The following PTPRG variants were observed in gnomAD, a reference collection of about 807,000 sequenced individuals.
PTPRG encodes receptor-type tyrosine-protein phosphatase gamma.
PTPRG carries 102 observed loss-of-function variants against 165.3 expected under a neutral mutation model. That is an observed-to-expected ratio of 0.62 (90% confidence interval 0.53 to 0.73). The LOEUF is 0.73. Among genes scored for constraint, PTPRG ranks in the 30% least tolerant of loss-of-function variants. The pLI, the probability that PTPRG is intolerant of heterozygous loss-of-function variation, is 0.00. For missense variants in PTPRG, 1,866 were observed against 1,861.4 expected, an observed-to-expected ratio of 1.00 and a Z score of -0.05; for synonymous variants, 675 against 669.5, an observed-to-expected ratio of 1.01 and a Z score of -0.13.
intron 4 of PTPRG, among the ~76,000 whole-genome samples, chr3:62,057,488 C>G (rs372333206): frequency 6.6e-6 from 1 of 152,222 alleles, no homozygotes; most frequent in Non-Finnish European, 1.5e-5. Context: ...AGTGGTGTTA[C>G]CATGTCCGCA....
intron 2 of PTPRG, among the ~76,000 whole-genome samples, chr3:61,827,055 G>A (rs752798295): frequency 6.6e-6 from 1 of 152,114 alleles, no homozygotes; most frequent in East Asian, 1.9e-4. Context: ...GGATATAGAC[G>A]TTTGTTGCCT....
intron 2 of PTPRG, among the ~76,000 whole-genome samples, chr3:61,947,471 G>A (rs1435457558): frequency 6.6e-6 from 1 of 152,210 alleles, no homozygotes; most frequent in Non-Finnish European, 1.5e-5. Context: ...GTGAAGGAAT[G>A]TCAGTGATAT....
At chr3:61,874,464 G>A (rs1300801137) in intron 2 of PTPRG, among the ~76,000 whole-genome samples, 5 of 152,040 alleles carry the variant, frequency 3.3e-5, no homozygotes. Flanking sequence ...AAGCAGAGAG[G>A]TAAATGTCTT....
chr3:61,926,037 A>G (rs1200812546), intron 2 of PTPRG: 8 of 440,938 alleles, frequency 1.8e-5, no homozygotes, highest in South Asian at 3.2e-5. Flanking sequence ...TAACTACTAT[A>G]TCAGAATAGA....
intron 1 of PTPRG, among the ~76,000 whole-genome samples, chr3:61,722,260 C>T (rs1246345749): frequency 6.6e-6 from 1 of 151,612 alleles, no homozygotes; most frequent in Non-Finnish European, 1.5e-5. Flanking sequence ...CAAAAGAGGG[C>T]CAAACTAGTC....
chr3:61,691,686 A>T (rs2030222885), intron 1 of PTPRG, among the ~76,000 whole-genome samples: 2 of 152,334 alleles, frequency 1.3e-5, no homozygotes, highest in South Asian at 4.1e-4. Context: ...CTATGGATAA[A>T]CAAATTTTGG....
intron 12 of PTPRG, among the ~76,000 whole-genome samples, chr3:62,208,438 ACT>A (rs765376316): frequency 6.6e-6 from 1 of 151,576 alleles, no homozygotes; most frequent in African/African-American, 2.4e-5. Flanking sequence ...AATTAGGGAA[ACT>A]CTTTTTTCAG....
chr3:61,686,110 G>T (rs1703625031), intron 1 of PTPRG, among the ~76,000 whole-genome samples: 1 of 152,172 alleles, frequency 6.6e-6, no homozygotes, highest in Non-Finnish European at 1.5e-5. Context: ...GTTTACATTT[G>T]TTTTAGTACC....
chr3:61,576,969 C>T (rs1700185626), intron 1 of PTPRG, among the ~76,000 whole-genome samples: 1 of 152,174 alleles, frequency 6.6e-6, no homozygotes, highest in Non-Finnish European at 1.5e-5. Context: ...TCCGAAGTGA[C>T]ACCTTTCTGA....
chr3:62,104,510 T>A (rs907131236), intron 5 of PTPRG, among the ~76,000 whole-genome samples: 2 of 152,244 alleles, frequency 1.3e-5, no homozygotes, highest in African/African-American at 2.4e-5. Flanking sequence ...CTTTATTTAT[T>A]TGCTCATTCA....
chr3:62,184,658 G>C (rs904114277), intron 8 of PTPRG, among the ~76,000 whole-genome samples: 4 of 152,108 alleles, frequency 2.6e-5, no homozygotes, highest in African/African-American at 4.8e-5. Flanking sequence ...CAAGAAACAG[G>C]CATCTCCCCC....
At chr3:61,802,861 T>G (rs538100520) in intron 2 of PTPRG, among the ~76,000 whole-genome samples, 104 of 152,248 alleles carry the variant, frequency 6.8e-4, no homozygotes, top group Middle Eastern at 3.4e-3. Context: ...TAATTCAAGT[T>G]CAGATCTGTG....
chr3:62,256,487 T>C (rs1266411086), intron 16 of PTPRG, among the ~76,000 whole-genome samples: 1 of 152,170 alleles, frequency 6.6e-6, no homozygotes, highest in Non-Finnish European at 1.5e-5. Flanking sequence ...AACAAAAGCA[T>C]GTCAAGTATT....
chr3:61,664,160 A>G (rs1559546591), intron 1 of PTPRG, among the ~76,000 whole-genome samples: 1 of 152,160 alleles, frequency 6.6e-6, no homozygotes, highest in Admixed American at 6.5e-5. Flanking sequence ...GAACTGTTGG[A>G]TTTTGTTCCA....
intron 6 of PTPRG, among the ~76,000 whole-genome samples, chr3:62,153,358 T>C (rs1003892329): frequency 6.6e-6 from 1 of 152,232 alleles, no homozygotes; most frequent in Non-Finnish European, 1.5e-5. Context: ...GTAAATATTC[T>C]CATTATTCTC....
At chr3:61,918,777 T>G (rs2039005348) in intron 2 of PTPRG, among the ~76,000 whole-genome samples, 2 of 152,208 alleles carry the variant, frequency 1.3e-5, no homozygotes, top group South Asian at 4.1e-4. Context: ...GGCAGGGATT[T>G]AAACCATTTC....
intron 1 of PTPRG, among the ~76,000 whole-genome samples, chr3:61,741,878 C>T (rs143628548): frequency 2.4e-4 from 37 of 152,298 alleles, no homozygotes; most frequent in Middle Eastern, 3.4e-3. Context: ...TTGTCAAAAA[C>T]AGTAAGACAT....
intron 2 of PTPRG, among the ~76,000 whole-genome samples, chr3:61,971,141 C>T (rs1246227937): frequency 6.6e-6 from 1 of 152,164 alleles, no homozygotes; most frequent in Non-Finnish European, 1.5e-5. Context: ...CATCCTCTGC[C>T]TCCTGGGTTC....
intron 4 of PTPRG, among the ~76,000 whole-genome samples, chr3:62,070,961 A>C (rs1368841730): frequency 6.6e-6 from 1 of 152,102 alleles, no homozygotes; most frequent in African/African-American, 2.4e-5. Flanking sequence ...AAAAAAAGAA[A>C]AATACATTTC....
Sources: gnomAD v4.1 joint callset for allele counts (sites outside exome capture counted in the v4.1 genomes callset) on GRCh38, gnomAD v4.1.1 for gene constraint, MANE v1.5 for transcripts, NCBI Gene and HGNC (gene_info 2026-07-23, HGNC 2026-07-21) for gene names.